Variants in RGS7 observed in about 807,000 individuals in gnomAD.
The protein encoded by RGS7 is regulator of G protein signaling 7.
A neutral mutation model predicts 81.1 loss-of-function variants in RGS7; 27 were observed. That is an observed-to-expected ratio of 0.33 (90% confidence interval 0.25 to 0.46). RGS7 has a LOEUF of 0.46. RGS7 is among the 20% of genes least tolerant of loss of function. The pLI, the probability that RGS7 is intolerant of heterozygous loss-of-function variation, is 1.00. For missense variants in RGS7, 396 were observed against 607.4 expected, an observed-to-expected ratio of 0.65 and a Z score of 3.66; for synonymous variants, 208 against 207.7, an observed-to-expected ratio of 1.00 and a Z score of -0.01.
intron 4 of RGS7, among the ~76,000 whole-genome samples, chr1:240,967,328 A>G (rs1381358615): frequency 6.6e-6 from 1 of 152,200 alleles, no homozygotes; most frequent in Admixed American, 6.5e-5. Flanking sequence ...GTCCTGAGAC[A>G]TGAGAAGAGC....
chr1:240,837,407 G>C (rs1250314072), intron 9 of RGS7, among the ~76,000 whole-genome samples: 1 of 152,198 alleles, frequency 6.6e-6, no homozygotes, highest in Non-Finnish European at 1.5e-5. Context: ...ATTTGAGACT[G>C]AACATGTGTG....
rs149123696 is a variant in RGS7 at position 241,144,315 on chromosome 1, A to G, written c.79-45553T>C. Reference sequence around the variant, plus strand: ...CCAAACTTTTCCTGCAAACGCATCCATCACACACACATGTGGATACGCACA... The same window carrying G: ...CCAAACTTTTCCTGCAAACGCATCCGTCACACACACATGTGGATACGCACA... On this transcript the variant is annotated intron_variant, in intron 2 of 18. Coordinates refer to ENST00000440928, the MANE Select transcript of RGS7 (RefSeq NM_001364886.1). The surrounding 1 kb of genome is among the most constrained non-coding windows in gnomAD (Gnocchi z 4.7). Among the ~76,000 whole-genome samples, 836 of 152,270 alleles carry G rather than the reference A, an allele frequency of 5.5e-3. 11 individuals are homozygous for G. Among genetic ancestry groups the G allele is most frequent in the African/African-American group, 0.019 (801 of 41,548 alleles).
At chr1:241,291,449 T>C (rs2079079382) in intron 2 of RGS7, among the ~76,000 whole-genome samples, 1 of 151,932 alleles carries the variant, frequency 6.6e-6, no homozygotes, top group South Asian at 2.1e-4. Context: ...GGATGACAAC[T>C]AGGGTGGAAA....
At chr1:240,920,718 A>C in intron 6 of RGS7, 1 of 617,594 alleles carries the variant, frequency 1.6e-6, no homozygotes, top group Admixed American at 2.1e-5. Context: ...GGCAGGGCCT[A>C]GCTGCTACAA....
At chr1:241,284,581 T>C (rs1414214105) in intron 2 of RGS7, among the ~76,000 whole-genome samples, 1 of 152,134 alleles carries the variant, frequency 6.6e-6, no homozygotes, top group Admixed American at 6.5e-5. Flanking sequence ...CAGGTGGAGA[T>C]TCAAGTCCAG....
intron 4 of RGS7, among the ~76,000 whole-genome samples, chr1:240,959,583 T>C (rs1473900919): frequency 6.6e-6 from 1 of 152,212 alleles, no homozygotes; most frequent in Non-Finnish European, 1.5e-5. Flanking sequence ...ATGGGACCAT[T>C]GTCATACATG....
chr1:240,871,316 A>T (rs1201837205), intron 6 of RGS7, among the ~76,000 whole-genome samples: 1 of 152,180 alleles, frequency 6.6e-6, no homozygotes, highest in Non-Finnish European at 1.5e-5. Flanking sequence ...TCACCTTTGC[A>T]CTACACTTAC....
chr1:240,995,738 G>A (rs2148608479), intron 3 of RGS7, among the ~76,000 whole-genome samples: 1 of 137,984 alleles, frequency 7.2e-6, no homozygotes, highest in Non-Finnish European at 1.6e-5. Context: ...TTACAGAACT[G>A]TCAATTTATC....
In RGS7 at chr1:241,003,123, A is replaced by C. The variant is rs536572276; in HGVS notation, c.176-19994T>G. Among the ~76,000 whole-genome samples, 6 of 152,330 alleles carry C rather than the reference A, an allele frequency of 3.9e-5. No homozygotes were observed. The East Asian group carries it at 1.2e-3, about 29-fold the overall frequency. Reference sequence around the variant, plus strand: ...CACAAAGATATATACTCACACACATACACAAAGATACTTATTTTATCATTG... The same window carrying C: ...CACAAAGATATATACTCACACACATCCACAAAGATACTTATTTTATCATTG... On this transcript the variant is annotated intron_variant, in intron 3 of 18. Transcript: ENST00000440928.
At chr1:241,255,234 T>C (rs575586862) in intron 2 of RGS7, among the ~76,000 whole-genome samples, 1 of 152,296 alleles carries the variant, frequency 6.6e-6, no homozygotes, top group East Asian at 1.9e-4. Context: ...TCCTAATTTA[T>C]GAGGTATAAA....
In RGS7 at chr1:240,930,995, A is replaced by G. The variant is rs1312245090; in HGVS notation, c.334-227T>C. Among the ~76,000 whole-genome samples, 6 of 152,248 alleles carry G rather than the reference A, an allele frequency of 3.9e-5. 1 individual carries two copies. Among genetic ancestry groups the G allele is most frequent in the African/African-American group, 1.4e-4 (6 of 41,472 alleles). ...GTGTAGTACCAGCAAGCAGGTATTT[A>G]GAATGTCATCCCTTTGCTGTAATTT... On this transcript the variant is annotated intron_variant, in intron 5 of 18. Coordinates refer to ENST00000440928, the MANE Select transcript of RGS7 (RefSeq NM_001364886.1).
intron 2 of RGS7, among the ~76,000 whole-genome samples, chr1:241,148,323 T>C (rs1268638592): frequency 6.6e-6 from 1 of 152,152 alleles, no homozygotes; most frequent in African/African-American, 2.4e-5. Context: ...AGTGCTGGGA[T>C]TACAGGCATG....
intron 3 of RGS7, among the ~76,000 whole-genome samples, chr1:241,078,916 G>T (rs55820703): frequency 1.3e-5 from 2 of 152,038 alleles, no homozygotes; most frequent in African/African-American, 2.4e-5. Context: ...TCTACCACCG[G>T]TATGTACTCT....
chr1:241,215,520 A>G (rs1573172387), intron 2 of RGS7, among the ~76,000 whole-genome samples: 1 of 152,250 alleles, frequency 6.6e-6, no homozygotes, highest in East Asian at 1.9e-4. Flanking sequence ...TTACGTTCAT[A>G]TTGTGCAACC....
At chr1:241,185,561 A>G (rs1276138908) in intron 2 of RGS7, among the ~76,000 whole-genome samples, 1 of 152,152 alleles carries the variant, frequency 6.6e-6, no homozygotes, top group African/African-American at 2.4e-5. Flanking sequence ...TGCTTTTAGA[A>G]CTTTCACCAA....
intron 4 of RGS7, among the ~76,000 whole-genome samples, chr1:240,966,616 T>C (rs1037001500): frequency 7.2e-5 from 11 of 152,182 alleles, no homozygotes; most frequent in Non-Finnish European, 1.6e-4. Context: ...CTGTTTAGGC[T>C]GATTCAGAAC....
intron 2 of RGS7, among the ~76,000 whole-genome samples, chr1:241,117,299 A>G (rs1166975912): frequency 6.6e-6 from 1 of 152,198 alleles, no homozygotes; most frequent in Non-Finnish European, 1.5e-5. Flanking sequence ...CTGATTGTTC[A>G]CATGCATTCT....
At chr1:240,847,255 G>T (rs1046917330) in intron 9 of RGS7, among the ~76,000 whole-genome samples, 3 of 152,220 alleles carry the variant, frequency 2.0e-5, no homozygotes, top group African/African-American at 7.2e-5. Context: ...AACAAGGGTT[G>T]TGTGCCAGGT....
At chr1:241,041,419 G>T (rs556008519) in intron 3 of RGS7, among the ~76,000 whole-genome samples, 2 of 152,034 alleles carry the variant, frequency 1.3e-5, no homozygotes, top group African/African-American at 4.8e-5. Flanking sequence ...GCAAAAGCTT[G>T]TCTGTACTTA....
Sources: gnomAD v4.1 joint callset for allele counts (sites outside exome capture counted in the v4.1 genomes callset) on GRCh38, gnomAD v4.1.1 for gene constraint, Gnocchi (gnomAD v3.1) non-coding constraint, MANE v1.5 for transcripts, NCBI Gene and HGNC (gene_info 2026-07-23, HGNC 2026-07-21) for gene names.